Variants in DNAJB6 observed in about 807,000 individuals in gnomAD.
DNAJB6 encodes dnaJ homolog subfamily B member 6.
A neutral mutation model predicts 42.7 loss-of-function variants in DNAJB6; 16 were observed. The ratio of observed to expected loss-of-function variants is 0.37; its 90% CI spans 0.25 to 0.57. DNAJB6 has a LOEUF of 0.57. DNAJB6 is among the 20% of genes least tolerant of loss of function. The pLI is 0.74. For synonymous variants in DNAJB6, 170 were observed against 163.5 expected, an observed-to-expected ratio of 1.04 and a Z score of -0.30; for missense variants, 347 against 416.8, an observed-to-expected ratio of 0.83 and a Z score of 1.46.
At chr7:157,353,361 A>G (rs1043800962) in intron 1 of DNAJB6, among the ~76,000 whole-genome samples, 23 of 152,214 alleles carry the variant, frequency 1.5e-4, no homozygotes, top group East Asian at 5.8e-4. Context: ...CATTCACCCA[A>G]CTTCCCTTAA....
chr7:157,339,212 C>T (rs1367267848), intron 1 of DNAJB6, among the ~76,000 whole-genome samples: 1 of 151,348 alleles, frequency 6.6e-6, no homozygotes, highest in Non-Finnish European at 1.5e-5. Flanking sequence ...TACCCGTCAC[C>T]CTCATCAGTC....
intron 9 of DNAJB6, chr7:157,415,676 G>A (rs1258403542): frequency 1.1e-5 from 3 of 269,550 alleles, no homozygotes; most frequent in Non-Finnish European, 2.2e-5. Flanking sequence ...GGGGTTCCAG[G>A]ACTGAGGTGC....
chr7:157,339,601 T>TTG (rs59577692), intron 1 of DNAJB6, among the ~76,000 whole-genome samples: 2,644 of 122,350 alleles, frequency 0.022, 33 homozygotes, highest in South Asian at 0.032. Context: ...GCCCGGCCTT[T>TTG]TGTGTGTGTG....
chr7:157,346,469 G>A (rs1798693508), intron 1 of DNAJB6, among the ~76,000 whole-genome samples: 1 of 152,020 alleles, frequency 6.6e-6, no homozygotes. Flanking sequence ...GAATGCATTA[G>A]TATTTCTACA....
chr7:157,412,217 G>T (rs1291240564), intron 9 of DNAJB6: 1 of 152,208 alleles, frequency 6.6e-6, no homozygotes, highest in Non-Finnish European at 1.5e-5. Context: ...GACAGAACTG[G>T]AGTGAAATTG....
At chr7:157,392,356 T>TGG (rs34352608) in intron 8 of DNAJB6, among the ~76,000 whole-genome samples, 108 of 141,044 alleles carry the variant, frequency 7.7e-4, no homozygotes, top group African/African-American at 2.6e-3. Flanking sequence ...GTGTTGAAAG[T>TGG]GGGTTTTTTT....
At chr7:157,341,924 T>A (rs978489097) in intron 1 of DNAJB6, among the ~76,000 whole-genome samples, 5 of 152,210 alleles carry the variant, frequency 3.3e-5, no homozygotes, top group African/African-American at 9.6e-5. Flanking sequence ...TGGAGTGCAG[T>A]GTCGCGATCT....
intron 3 of DNAJB6, among the ~76,000 whole-genome samples, chr7:157,363,850 G>C (rs1401043460): frequency 2.0e-5 from 3 of 152,264 alleles, no homozygotes; most frequent in Admixed American, 6.5e-5. Context: ...TCAGAGGTCA[G>C]CTGTCGCCTA....
intron 1 of DNAJB6, among the ~76,000 whole-genome samples, chr7:157,350,764 A>T (rs1213269721): frequency 6.6e-6 from 1 of 151,376 alleles, no homozygotes; most frequent in African/African-American, 2.4e-5. Context: ...ATCTTGGCTC[A>T]CTGCAACCAC....
At chr7:157,386,021 G>A (rs2117095852) in intron 8 of DNAJB6, 1 of 993,284 alleles carries the variant, frequency 1.0e-6, no homozygotes, top group South Asian at 4.7e-5. Context: ...CTGCTGTGAA[G>A]TTAACATTGC....
In DNAJB6 at chr7:157,374,416, C is replaced by T. The variant is rs147452536; in HGVS notation, c.346+6933C>T. The stretch of plus-strand genomic sequence containing the variant: ...CGGGGATTACAGACATGTGCCACCG[C>T]GCCCGGCTAATTTTGTATTTTTATG... On this transcript the variant is annotated intron_variant, in intron 5 of 9. Coordinates refer to ENST00000262177, the MANE Select transcript of DNAJB6 (RefSeq NM_058246.4). Among the ~76,000 whole-genome samples the T allele has an allele frequency of 1.4e-4, 22 of 152,172 alleles. No homozygotes were observed. In the East Asian group the frequency reaches 2.7e-3, roughly 19 times the overall value.
chr7:157,398,041 G>A (rs1316081293), intron 8 of DNAJB6, among the ~76,000 whole-genome samples: 1 of 152,204 alleles, frequency 6.6e-6, no homozygotes, highest in African/African-American at 2.4e-5. Flanking sequence ...TTCAGCCTTC[G>A]TACCTGCTCT....
intron 6 of DNAJB6, among the ~76,000 whole-genome samples, chr7:157,383,064 G>GTA (rs1800868099): frequency 6.6e-6 from 1 of 151,994 alleles, no homozygotes; most frequent in African/African-American, 2.4e-5. Flanking sequence ...TTAGTGTAGT[G>GTA]GCACGGTCTC....
At chr7:157,344,777 C>T (rs1191816942) in intron 1 of DNAJB6, among the ~76,000 whole-genome samples, 1 of 151,888 alleles carries the variant, frequency 6.6e-6, no homozygotes, top group Non-Finnish European at 1.5e-5. Context: ...CCACACCCTA[C>T]TGAGTTTTTA....
At chr7:157,354,998 A>G (rs1333105743) in intron 1 of DNAJB6, among the ~76,000 whole-genome samples, 1 of 152,068 alleles carries the variant, frequency 6.6e-6, no homozygotes, top group Non-Finnish European at 1.5e-5. Context: ...TCATCTGTCT[A>G]TTTGTGTCTG....
chr7:157,414,667 G>C (rs1368990169), intron 9 of DNAJB6: 1 of 152,402 alleles, frequency 6.6e-6, no homozygotes, highest in African/African-American at 2.4e-5. Context: ...GAAGGTGGCA[G>C]CCTCCACTGT....
At chr7:157,390,335 C>CTGTG (rs1461320477) in intron 8 of DNAJB6, among the ~76,000 whole-genome samples, 1 of 152,352 alleles carries the variant, frequency 6.6e-6, no homozygotes, top group East Asian at 1.9e-4. Context: ...TAGCAAACGT[C>CTGTG]TGTGTAGTGT....
chr7:157,399,507 C>T (rs1480515274), intron 8 of DNAJB6, among the ~76,000 whole-genome samples: 5 of 152,232 alleles, frequency 3.3e-5, no homozygotes, highest in African/African-American at 9.6e-5. Context: ...GCGCTCAGTG[C>T]TGGGATGGCG....
At chr7:157,387,564 G>T (rs1258300780) in intron 8 of DNAJB6, among the ~76,000 whole-genome samples, 2 of 152,184 alleles carry the variant, frequency 1.3e-5, no homozygotes, top group African/African-American at 4.8e-5. Context: ...GAGACATCCA[G>T]GGATGTCCAG....
Sources: gnomAD v4.1 joint callset for allele counts (sites outside exome capture counted in the v4.1 genomes callset) on GRCh38, gnomAD v4.1.1 for gene constraint, MANE v1.5 for transcripts, NCBI Gene and HGNC (gene_info 2026-07-23, HGNC 2026-07-21) for gene names.